Variants in VPS35L observed in about 807,000 individuals in gnomAD.
VPS35L encodes the protein VPS35 endosomal protein sorting factor like.
In VPS35L, 83 loss-of-function variants were observed where a neutral mutation model predicts 133.0. That is an observed-to-expected ratio of 0.62 (90% CI 0.52 to 0.75). The LOEUF is 0.75. Ranked by LOEUF, VPS35L falls within the 30% of genes least tolerant of loss-of-function variation. The probability of loss-of-function intolerance (pLI) is 0.00; values close to 1 mark genes in which losing one functional copy is unlikely to be tolerated. For missense variants in VPS35L, 1,083 were observed against 1,206.8 expected, an observed-to-expected ratio of 0.90 and a Z score of 1.52; for synonymous variants, 423 against 449.9, an observed-to-expected ratio of 0.94 and a Z score of 0.76.
Position 19,652,090 on chromosome 16 carries a change from G to A in VPS35L, c.2221G>A (p.Ala741Thr), listed in dbSNP as rs533190713. ...CTTGGCCAACCAGTGCCTCTCCCAA[G>A]GTAAGTCCATCATTCTCTCATCTCG... is the stretch of plus-strand genomic sequence containing the variant. The part of the protein sequence containing the change: ...VALANQCLSQ[A>T]DAFFKAAISL... Residue 741 changes from alanine to threonine, a missense_variant and splice_region_variant, in exon 26 of 31, where the codon GCT (alanine) becomes ACT (threonine). By Grantham distance (58) the Ala-to-Thr change is moderately conservative (BLOSUM62 0). Coordinates refer to ENST00000417362, the MANE Select transcript of VPS35L (RefSeq NM_020314.7). 9.6e-6 allele frequency: 15 copies of A among 1,569,088 alleles called. No individual in the cohort carries two copies. Among genetic ancestry groups the A allele is most frequent in the African/African-American group, 5.4e-5 (4 of 74,080 alleles).
chr16:19,627,921 C>G (rs1973320941), intron 16 of VPS35L, 116 bp downstream of exon 16: 1 of 806,646 alleles, frequency 1.2e-6, no homozygotes, highest in South Asian at 1.5e-5. Context: ...CAGGCGAAGG[C>G]TCTGTTTCTG....
At position 19,669,187 on chromosome 16, in the gene VPS35L, G is replaced by A. The variant is rs777122821; in HGVS notation, c.2249G>A (p.Ser750Asn). Residue 750 changes from serine to asparagine, a missense_variant, in exon 27 of 31, where the codon AGC (serine) becomes AAC (asparagine). Ser to Asn is a conservative substitution (Grantham distance 46, BLOSUM62 1). Coordinates refer to ENST00000417362, the MANE Select transcript of VPS35L (RefSeq NM_020314.7). ...GATGCTTTTTTCAAAGCCGCTATAA[G>A]CCTTGTTCCGGAAGTTCCAAAGATG... is the stretch of plus-strand genomic sequence containing the variant. ...QADAFFKAAI[S>N]LVPEVPKMIN... 120 of 1,611,250 alleles carry A rather than the reference G, an allele frequency of 7.4e-5. No individual in the cohort carries two copies. The highest frequency in any genetic ancestry group is 9.3e-5 in the Non-Finnish European group (110 of 1,178,004).
chr16:19,656,970 T>G (rs985740978), intron 26 of VPS35L, among the ~76,000 whole-genome samples: 1 of 147,920 alleles, frequency 6.8e-6, no homozygotes, highest in Non-Finnish European at 1.5e-5. Context: ...TTGTTTTTTT[T>G]TTTTTTTTTT....
chr16:19,562,009 G>A (rs1236583618), intron 1 of VPS35L, among the ~76,000 whole-genome samples: 1 of 152,102 alleles, frequency 6.6e-6, no homozygotes, highest in Non-Finnish European at 1.5e-5. Flanking sequence ...AGAGGCTGAG[G>A]CAGGAGGATG....
chr16:19,643,341 C>T (rs779961087), intron 22 of VPS35L, among the ~76,000 whole-genome samples: 1 of 152,182 alleles, frequency 6.6e-6, no homozygotes, highest in Non-Finnish European at 1.5e-5. Flanking sequence ...ATGTTGATTT[C>T]TCTCTTGTTA....
chr16:19,627,084 C>T (rs548076594), intron 15 of VPS35L, among the ~76,000 whole-genome samples: 1 of 152,182 alleles, frequency 6.6e-6, no homozygotes, highest in South Asian at 2.1e-4. Flanking sequence ...GAGTTTGAGA[C>T]CAGCCTGGCC....
At chr16:19,602,305 T>A (rs1180804130) in intron 9 of VPS35L, among the ~76,000 whole-genome samples, 1 of 152,100 alleles carries the variant, frequency 6.6e-6, no homozygotes, top group Admixed American at 6.6e-5. Flanking sequence ...TTGCCTTTAT[T>A]CCTCTTTTTA....
intron 7 of VPS35L, among the ~76,000 whole-genome samples, chr16:19,589,746 A>G (rs754940593): frequency 2.0e-5 from 3 of 152,236 alleles, no homozygotes; most frequent in Non-Finnish European, 4.4e-5. Flanking sequence ...TATATGTTCT[A>G]TGAAACCAGC....
intron 14 of VPS35L, among the ~76,000 whole-genome samples, chr16:19,622,920 A>G (rs1361446592): frequency 6.6e-6 from 1 of 152,172 alleles, no homozygotes; most frequent in Non-Finnish European, 1.5e-5. Flanking sequence ...CCTCCTCCAC[A>G]ACAAGTGGAG....
intron 26 of VPS35L, 40 bp from the exon 27 acceptor site, chr16:19,669,120 C>T: frequency 6.5e-7 from 1 of 1,545,760 alleles, no homozygotes; most frequent in East Asian, 2.3e-5. Flanking sequence ...CTAAATTTCC[C>T]AGAGTTCTAA....
rs369033253 is a variant in VPS35L at position 19,572,066 on chromosome 16, A to AAC, written c.286-1043_286-1042dup. Among the ~76,000 whole-genome samples the AAC allele has an allele frequency of 1.2e-4, 19 of 152,220 alleles. No individual in the cohort carries two copies. The East Asian group carries it at 3.3e-3, about 26-fold the overall frequency. ...AAACAGCAGTGCAGCATGTGTCTCGAACACACACACATCTTGGTGCATGTC... is the reference window on the plus strand; with the variant it reads ...AAACAGCAGTGCAGCATGTGTCTCGAACACACACACACATCTTGGTGCATGTC... On this transcript the variant is annotated intron_variant, in intron 3 of 30. Coordinates refer to ENST00000417362, the MANE Select transcript of VPS35L (RefSeq NM_020314.7).
chr16:19,644,767 T>C, intron 22 of VPS35L, 119 bp from the exon 23 acceptor site: 1 of 573,596 alleles, frequency 1.7e-6, no homozygotes, highest in Non-Finnish European at 2.9e-6. Flanking sequence ...GGCAGTTTTT[T>C]AAATCTAGAA....
chr16:19,567,180 T>C (rs926397944), intron 2 of VPS35L, among the ~76,000 whole-genome samples: 1 of 152,168 alleles, frequency 6.6e-6, no homozygotes, highest in Admixed American at 6.5e-5. Context: ...TTAAAATAGG[T>C]AAGGAGACAG....
chr16:19,615,454 A>G (rs1370908456), intron 12 of VPS35L, among the ~76,000 whole-genome samples: 2 of 151,030 alleles, frequency 1.3e-5, no homozygotes, highest in Non-Finnish European at 2.9e-5. Context: ...GTTGGAGACC[A>G]GCCCGGCCAA....
chr16:19,592,005 C>A, intron 8 of VPS35L, 131 bp downstream of exon 8: 1 of 664,958 alleles, frequency 1.5e-6, no homozygotes, highest in Non-Finnish European at 2.6e-6. Context: ...AGAGATCAAA[C>A]CGTTCCCCCC....
chr16:19,628,788 T>C, intron 17 of VPS35L, 35 bp downstream of exon 17: 1 of 855,212 alleles, frequency 1.2e-6, no homozygotes, highest in South Asian at 3.5e-5. Context: ...TTTATTTATT[T>C]ATTTATTTAT....
intron 26 of VPS35L, among the ~76,000 whole-genome samples, chr16:19,658,557 G>C (rs1038259877): frequency 9.2e-5 from 14 of 152,056 alleles, no homozygotes; most frequent in African/African-American, 3.4e-4. Flanking sequence ...GAGACGACAG[G>C]CCATTCAGGG....
At position 19,682,291 on chromosome 16, in the gene VPS35L, T is replaced by C. The variant is rs751248795; in HGVS notation, c.2428T>C (p.Trp810Arg). ...ELLNVIQDYTWEDNSDEKIRI... is the reference protein window; with the variant it reads ...ELLNVIQDYTREDNSDEKIRI... The stretch of plus-strand genomic sequence containing the variant: ...TCTCAACGTGATCCAGGACTACACC[T>C]GGGAGGACAACAGCGATGAGAAAAT... Residue 810 changes from tryptophan (W) to arginine (R), a missense_variant, in exon 28 of 31, where the codon TGG becomes CGG. Coordinates refer to ENST00000417362, the MANE Select transcript of VPS35L (RefSeq NM_020314.7). 5 of 1,614,158 alleles carry C rather than the reference T, an allele frequency of 3.1e-6. No individual in the cohort carries two copies.
chr16:19,615,945 C>T (rs1972875468), intron 12 of VPS35L, among the ~76,000 whole-genome samples, 169 bp from the exon 13 acceptor site: 2 of 148,286 alleles, frequency 1.3e-5, no homozygotes, highest in South Asian at 2.1e-4. Context: ...TCCAGCCTGG[C>T]AACAGAGCGA....
Sources: allele counts gnomAD v4.1 joint callset (sites outside exome capture counted in the v4.1 genomes callset), GRCh38; gene constraint gnomAD v4.1.1; transcripts MANE v1.5; gene names NCBI Gene and HGNC (gene_info 2026-07-23, HGNC 2026-07-21).